The following CRPPA variants were observed in gnomAD, a reference collection of about 807,000 sequenced individuals.
The protein encoded by CRPPA is CDP-L-ribitol pyrophosphorylase A, also known as D-ribitol-5-phosphate cytidylyltransferase.
In CRPPA, 43 loss-of-function variants were observed where a neutral mutation model predicts 52.0. The observed-to-expected ratio is 0.83, with a 90% CI of 0.65 to 1.07. The LOEUF is 1.07. CRPPA is among the 50% of genes least tolerant of loss of function. CRPPA has a pLI of 0.00. For synonymous variants in CRPPA, 250 were observed against 203.5 expected (o/e 1.23, Z -1.94); for missense variants, 629 against 551.7 (o/e 1.14, Z -1.40).
chr7:16,396,332 C>A (rs1055895029), intron 2 of CRPPA, among the ~76,000 whole-genome samples: 2 of 152,112 alleles, frequency 1.3e-5, no homozygotes, highest in South Asian at 4.1e-4. Flanking sequence ...AATCTGCCAA[C>A]TGATCAGAGA....
At chr7:16,144,659 G>T (rs899167223) in intron 9 of CRPPA, among the ~76,000 whole-genome samples, 1 of 152,122 alleles carries the variant, frequency 6.6e-6, no homozygotes, top group Non-Finnish European at 1.5e-5. Flanking sequence ...TCTACTGGGT[G>T]GGGGGAGTCA....
chr7:16,383,963 C>A (rs965055276), intron 2 of CRPPA, among the ~76,000 whole-genome samples: 6 of 152,230 alleles, frequency 3.9e-5, no homozygotes, highest in Non-Finnish European at 8.8e-5. Context: ...GAGGCAATGC[C>A]TCGCCCTGCT....
chr7:16,414,403 C>A (rs948191861), intron 1 of CRPPA, among the ~76,000 whole-genome samples: 18 of 132,870 alleles, frequency 1.4e-4, no homozygotes, highest in South Asian at 4.9e-4. Context: ...ACACACACAC[C>A]CCATGACACT....
chr7:16,266,355 T>C (rs558951399), intron 6 of CRPPA: 5 of 152,300 alleles, frequency 3.3e-5, no homozygotes, highest in South Asian at 2.1e-4. Flanking sequence ...TTAAAACTCA[T>C]GTTGAAAGCC....
At position 16,376,155 on chromosome 7, in the gene CRPPA, T is replaced by C; in HGVS notation, c.621A>G (p.Arg207=). ...GCLDYSLERA[R]HRASEMPQAF... is the part of the protein sequence containing the mutation. Reference sequence around the variant, plus strand: ...CTTGGGGCATTTCACTTGCTCTGTGTCTGGCACGTTCTAGCGAGTAGTCTA... The same window carrying C: ...CTTGGGGCATTTCACTTGCTCTGTGCCTGGCACGTTCTAGCGAGTAGTCTA... Residue 207 remains arginine, a synonymous_variant, in exon 3 of 10, where the codon AGA becomes AGG. Coordinates refer to ENST00000407010, the MANE Select transcript of CRPPA (RefSeq NM_001101426.4). 1 of 1,613,266 alleles carries C rather than the reference T, an allele frequency of 6.2e-7. No individual in the cohort carries two copies. Among genetic ancestry groups the C allele is most frequent in the African/African-American group, 1.3e-5 (1 of 75,002 alleles).
In CRPPA at chr7:16,179,443, G is replaced by A. The variant is rs549723619; in HGVS notation, c.1251+36623C>T. On this transcript the variant is annotated intron_variant, in intron 9 of 9. Transcript: ENST00000407010. ...AGGTTATCCTGGATTATCTTTATCT[G>A]AGTGGGGCCCAACATAATCACAGGA... 2.0e-5 allele frequency among the ~76,000 whole-genome samples: 3 copies of A among 152,188 alleles called. No homozygotes were observed. In the East Asian group the frequency reaches 5.8e-4, roughly 29 times the overall value.
At position 16,376,257 on chromosome 7, in the gene CRPPA, G is replaced by A. The variant is rs1273641461; in HGVS notation, c.535-16C>T. ...CTCCTGCTGCCTGAAGAACAAAGAGGCAAAGAATATATTTCACCTACAAGC... is the reference window on the plus strand; with the variant it reads ...CTCCTGCTGCCTGAAGAACAAAGAGACAAAGAATATATTTCACCTACAAGC... On this transcript the variant is annotated splice_polypyrimidine_tract_variant and intron_variant, in intron 2 of 9. Transcript: ENST00000407010. 1 of 1,583,090 alleles carries A rather than the reference G, an allele frequency of 6.3e-7. No homozygotes were observed. The highest frequency in any genetic ancestry group is 2.3e-5 in the East Asian group (1 of 44,200).
At chr7:16,095,959 T>G (rs1781927653) in intron 9 of CRPPA, among the ~76,000 whole-genome samples, 1 of 152,136 alleles carries the variant, frequency 6.6e-6, no homozygotes, top group Admixed American at 6.5e-5. Context: ...GAGGCCCCAC[T>G]GTGCCAAGGA....
At chr7:16,217,850 A>C (rs955273694) in intron 8 of CRPPA, among the ~76,000 whole-genome samples, 2 of 152,038 alleles carry the variant, frequency 1.3e-5, no homozygotes, top group Non-Finnish European at 1.5e-5. Flanking sequence ...GAATGGAACC[A>C]AGTTGGAAAA....
chr7:16,131,644 A>G (rs1357009125), intron 9 of CRPPA, among the ~76,000 whole-genome samples: 1 of 152,098 alleles, frequency 6.6e-6, no homozygotes, highest in Non-Finnish European at 1.5e-5. Context: ...GTGCAGTAGC[A>G]CAATCTTGGC....
intron 5 of CRPPA, among the ~76,000 whole-genome samples, chr7:16,286,098 AT>A (rs1308284372): frequency 0.058 from 1,111 of 19,080 alleles, 121 homozygotes; most frequent in African/African-American, 0.15. Context: ...AAAAAAAAAA[AT>A]ATATATATAT....
intron 9 of CRPPA, among the ~76,000 whole-genome samples, chr7:16,212,077 T>C (rs1333950921): frequency 2.0e-5 from 3 of 152,142 alleles, no homozygotes; most frequent in African/African-American, 7.2e-5. Context: ...AACAAAAATG[T>C]AGAGAACTGC....
chr7:16,160,232 G>A (rs1012352204), intron 9 of CRPPA, among the ~76,000 whole-genome samples: 2 of 152,120 alleles, frequency 1.3e-5, no homozygotes, highest in Non-Finnish European at 2.9e-5. Flanking sequence ...TAGTCATGAA[G>A]TCTCTGCCTA....
Position 16,091,392 on chromosome 7 carries a change from C to A in CRPPA, c.*303G>T, listed in dbSNP as rs541517871. ...CATTCCTTGAAAGAATAGCTCACCC[C>A]ATCATTATTTCTATTTGACCGTTCA... On this transcript the variant is annotated 3_prime_UTR_variant, in exon 10 of 10. Transcript: ENST00000407010. The A allele has an allele frequency of 4.5e-6, 1 of 223,824 alleles. No homozygotes were observed. The highest frequency in any genetic ancestry group is 8.6e-6 in the Non-Finnish European group (1 of 115,790). 13.9% of individuals were successfully genotyped at this position (223,824 alleles called of 1,614,324 possible). A position where few individuals can be genotyped will look rare whatever the true frequency, so the allele number is the denominator to read the frequency against.
chr7:16,272,253 G>C (rs1054345050), intron 6 of CRPPA, among the ~76,000 whole-genome samples: 1 of 152,158 alleles, frequency 6.6e-6, no homozygotes. Flanking sequence ...CTCTCCCCAA[G>C]TTAGCTCTTT....
intron 9 of CRPPA, among the ~76,000 whole-genome samples, chr7:16,099,110 A>C (rs1583353580): frequency 6.6e-6 from 1 of 152,066 alleles, no homozygotes; most frequent in East Asian, 1.9e-4. Flanking sequence ...TTGGGAAGCC[A>C]GGTGCCATGG....
rs868177076 is a variant in CRPPA at position 16,087,849 on chromosome 7, T to A, written c.*3846A>T. On this transcript the variant is annotated 3_prime_UTR_variant, in exon 10 of 10. Coordinates refer to ENST00000407010, the MANE Select transcript of CRPPA (RefSeq NM_001101426.4). ...TGACATTTTAATTAAGATGTTAGAT[T>A]TATGCCTCTGTGAATTTGTAGTTTC... 4.6e-5 allele frequency: 7 copies of A among 152,194 alleles called. No individual in the cohort carries two copies. Among genetic ancestry groups the A allele is most frequent in the African/African-American group, 1.7e-4 (7 of 41,460 alleles). The allele number at this position is 152,194 out of a possible 1,614,324, so 9.4% of individuals were successfully genotyped here.
At position 16,286,097 on chromosome 7, in the gene CRPPA, A is replaced by AATATATATATATAT. The variant is rs71007759; in HGVS notation, c.836-7885_836-7872dup. ...TATATATATAATATTTAAAAAAAAA[A>AATATATATATATAT]ATATATATATATATATATATGCCAA... On this transcript the variant is annotated intron_variant, in intron 5 of 9. Coordinates refer to ENST00000407010, the MANE Select transcript of CRPPA (RefSeq NM_001101426.4). Among the ~76,000 whole-genome samples the AATATATATATATAT allele has an allele frequency of 1.9e-3, 74 of 39,108 alleles. 5 individuals carry two copies. The highest frequency in any genetic ancestry group is 5.9e-3 in the African/African-American group (32 of 5,446). The allele number at this position is 39,108 out of a possible 152,430, so 25.7% of individuals were successfully genotyped here.
At chr7:16,130,763 A>C (rs957202210) in intron 9 of CRPPA, among the ~76,000 whole-genome samples, 1 of 152,216 alleles carries the variant, frequency 6.6e-6, no homozygotes, top group Non-Finnish European at 1.5e-5. Flanking sequence ...AAGATGATGA[A>C]GTTTCCTTCT....
Sources: allele counts gnomAD v4.1 joint callset (sites outside exome capture counted in the v4.1 genomes callset), GRCh38; gene constraint gnomAD v4.1.1; transcripts MANE v1.5; gene names NCBI Gene and HGNC (gene_info 2026-07-23, HGNC 2026-07-21).